The following CNTN5 variants were observed in gnomAD, a reference collection of about 807,000 sequenced individuals.
CNTN5 encodes the protein contactin 5, also known as contactin-5.
A neutral mutation model predicts 129.1 loss-of-function variants in CNTN5; 77 were observed. That is an observed-to-expected ratio of 0.60 (90% confidence interval 0.50 to 0.72). The LOEUF is 0.72. CNTN5 is among the 30% of genes least tolerant of loss of function. CNTN5 has a pLI of 0.00. For missense variants in CNTN5, 1,478 were observed against 1,328.8 expected, an observed-to-expected ratio of 1.11 and a Z score of -1.75; for synonymous variants, 509 against 465.6, an observed-to-expected ratio of 1.09 and a Z score of -1.20.
At chr11:99,827,000 C>T (rs1301270614) in intron 4 of CNTN5, among the ~76,000 whole-genome samples, 1 of 152,170 alleles carries the variant, frequency 6.6e-6, no homozygotes, top group African/African-American at 2.4e-5. Flanking sequence ...TAGTTCATCA[C>T]CCTGTATTCT....
chr11:99,976,191 G>GGA (rs1287785890), intron 8 of CNTN5, among the ~76,000 whole-genome samples: 2 of 152,230 alleles, frequency 1.3e-5, no homozygotes, highest in Non-Finnish European at 2.9e-5. Context: ...TGCAAGGGGT[G>GGA]GAGGCCCAAG....
chr11:100,337,652 T>G (rs1368787898), intron 21 of CNTN5: 2 of 664,876 alleles, frequency 3.0e-6, no homozygotes, highest in Admixed American at 3.6e-5. Context: ...ACCTGAGATT[T>G]TTTACAGCTG....
chr11:99,983,475 A>G (rs1158891414), intron 8 of CNTN5, among the ~76,000 whole-genome samples: 1 of 152,216 alleles, frequency 6.6e-6, no homozygotes, highest in Non-Finnish European at 1.5e-5. Flanking sequence ...TTAAAACATT[A>G]TTGAGTAGAC....
chr11:99,837,984 A>G (rs1392151252), intron 4 of CNTN5, among the ~76,000 whole-genome samples: 9 of 152,120 alleles, frequency 5.9e-5, no homozygotes, highest in Non-Finnish European at 1.3e-4. Flanking sequence ...TAAAATATGA[A>G]GTTTATAAAA....
At chr11:99,186,047 A>G (rs1858337860) in intron 1 of CNTN5, among the ~76,000 whole-genome samples, 1 of 151,912 alleles carries the variant, frequency 6.6e-6, no homozygotes, top group African/African-American at 2.4e-5. Flanking sequence ...CTGCAGATGG[A>G]GAACCATGTT....
intron 6 of CNTN5, among the ~76,000 whole-genome samples, chr11:99,910,268 C>T (rs548499469): frequency 6.6e-6 from 1 of 151,988 alleles, no homozygotes. Context: ...CAATAAAATA[C>T]CAAAAACCTT....
intron 1 of CNTN5, among the ~76,000 whole-genome samples, chr11:99,129,077 G>A (rs1031332932): frequency 6.6e-6 from 1 of 152,166 alleles, no homozygotes; most frequent in African/African-American, 2.4e-5. Context: ...CTCCAGCAAG[G>A]CCACAGAACG....
intron 3 of CNTN5, among the ~76,000 whole-genome samples, chr11:99,792,648 G>C (rs574946495): frequency 1.3e-5 from 2 of 151,492 alleles, no homozygotes; most frequent in Admixed American, 1.3e-4. Context: ...TGAGGTAGGA[G>C]GGAGTCCCTA....
At chr11:99,607,066 A>G (rs1222482237) in intron 3 of CNTN5, among the ~76,000 whole-genome samples, 5 of 120,196 alleles carry the variant, frequency 4.2e-5, no homozygotes, top group African/African-American at 1.6e-4. Context: ...AAACACCAAA[A>G]GCAATGGCAA....
intron 6 of CNTN5, among the ~76,000 whole-genome samples, chr11:99,849,062 G>T (rs1314299726): frequency 1.3e-5 from 2 of 151,636 alleles, no homozygotes; most frequent in Non-Finnish European, 2.9e-5. Context: ...CGTAGGATGG[G>T]GCTCTCCTAA....
chr11:100,155,858 T>C (rs750751302), intron 13 of CNTN5, among the ~76,000 whole-genome samples: 17 of 152,166 alleles, frequency 1.1e-4, no homozygotes, highest in Non-Finnish European at 2.4e-4. Flanking sequence ...TGATTTTGTA[T>C]CCTGAGACTT....
At chr11:99,565,093 A>AT (rs1948959535) in intron 3 of CNTN5, among the ~76,000 whole-genome samples, 1 of 152,126 alleles carries the variant, frequency 6.6e-6, no homozygotes, top group African/African-American at 2.4e-5. Context: ...TTCTTTATTC[A>AT]TGTGTTTGGG....
chr11:99,567,093 A>AT (rs1949029857), intron 3 of CNTN5, among the ~76,000 whole-genome samples: 1 of 152,108 alleles, frequency 6.6e-6, no homozygotes, highest in Admixed American at 6.6e-5. Context: ...TAAGTAAAGT[A>AT]TTTTTTTCTT....
At chr11:99,185,812 ACCC>A (rs1565386184) in intron 1 of CNTN5, among the ~76,000 whole-genome samples, 1 of 150,318 alleles carries the variant, frequency 6.7e-6, no homozygotes, top group African/African-American at 2.4e-5. Flanking sequence ...CATCAAAATA[ACCC>A]ATCAAAATAA....
At chr11:100,340,976 G>A in intron 22 of CNTN5, 117 bp from the exon 23 acceptor site, 2 of 752,744 alleles carry the variant, frequency 2.7e-6, no homozygotes, top group Admixed American at 4.8e-5. Context: ...CTGGAAGGAA[G>A]CCTAGATTGC....
chr11:99,919,370 G>A (rs1949877415), intron 7 of CNTN5, among the ~76,000 whole-genome samples: 1 of 152,032 alleles, frequency 6.6e-6, no homozygotes, highest in Non-Finnish European at 1.5e-5. Flanking sequence ...CCATCAACAT[G>A]GAAACCTGCT....
At chr11:99,279,867 G>T (rs12269923) in intron 1 of CNTN5, among the ~76,000 whole-genome samples, 1 of 151,444 alleles carries the variant, frequency 6.6e-6, no homozygotes, top group African/African-American at 2.4e-5. Context: ...GTGGCTCGGT[G>T]CTTTCACCTG....
intron 2 of CNTN5, among the ~76,000 whole-genome samples, chr11:99,466,599 T>C (rs530237946): frequency 3.3e-5 from 5 of 152,288 alleles, no homozygotes; most frequent in African/African-American, 7.2e-5. Context: ...AACACATCTC[T>C]AAGTCTTAAA....
intron 1 of CNTN5, among the ~76,000 whole-genome samples, chr11:99,321,794 A>G (rs971627519): frequency 6.6e-6 from 1 of 152,110 alleles, no homozygotes; most frequent in African/African-American, 2.4e-5. Context: ...GAAGGTTGAG[A>G]TTTCTACAGA....
Sources: gnomAD v4.1 joint callset for allele counts (sites outside exome capture counted in the v4.1 genomes callset) on GRCh38, gnomAD v4.1.1 for gene constraint, MANE v1.5 for transcripts, NCBI Gene and HGNC (gene_info 2026-07-23, HGNC 2026-07-21) for gene names.